Variants in PPP3CA observed in about 807,000 individuals in gnomAD.
PPP3CA encodes the protein CAM-PRP catalytic subunit.
In PPP3CA, 14 loss-of-function variants were observed where a neutral mutation model predicts 66.5. The ratio of observed to expected loss-of-function variants is 0.21; its 90% CI spans 0.14 to 0.33. The LOEUF (loss-of-function observed/expected upper bound fraction) is 0.33, where lower values mean the gene tolerates loss of function less well. PPP3CA is among the 10% of genes least tolerant of loss of function. The pLI is 1.00. For synonymous variants in PPP3CA, 232 were observed against 226.2 expected (o/e 1.03, Z -0.23); for missense variants, 317 against 639.5 (o/e 0.50, Z 5.44).
intron 1 of PPP3CA, among the ~76,000 whole-genome samples, chr4:101,332,303 A>C (rs1215623127): frequency 6.6e-6 from 1 of 152,254 alleles, no homozygotes; most frequent in Non-Finnish European, 1.5e-5. Context: ...TAAGGACATG[A>C]GACTGCCTAG....
chr4:101,345,990 T>C (rs1729972335), intron 1 of PPP3CA, among the ~76,000 whole-genome samples: 1 of 152,122 alleles, frequency 6.6e-6, no homozygotes, highest in Non-Finnish European at 1.5e-5. Flanking sequence ...GTGGTTTTCG[T>C]GTCTCTCCCC....
At chr4:101,031,874 T>C (rs1726980096) in intron 12 of PPP3CA, among the ~76,000 whole-genome samples, 1 of 152,222 alleles carries the variant, frequency 6.6e-6, no homozygotes, top group Non-Finnish European at 1.5e-5. Context: ...TGGTTATGTG[T>C]GTATGTGTTA....
intron 2 of PPP3CA, among the ~76,000 whole-genome samples, chr4:101,151,650 T>TC (rs1723142908): frequency 9.9e-6 from 1 of 101,260 alleles, no homozygotes; most frequent in Non-Finnish European, 2.0e-5. Context: ...AGCCAAGGTT[T>TC]CCTTTTTTTT....
intron 2 of PPP3CA, among the ~76,000 whole-genome samples, chr4:101,155,105 G>A (rs115183036): frequency 1.6e-3 from 248 of 152,066 alleles, no homozygotes; most frequent in Non-Finnish European, 2.6e-3. Flanking sequence ...GTGAGCCAAC[G>A]CGCCCAGCCA....
intron 1 of PPP3CA, among the ~76,000 whole-genome samples, chr4:101,321,766 T>A (rs1422939490): frequency 6.6e-6 from 1 of 151,954 alleles, no homozygotes; most frequent in East Asian, 1.9e-4. Flanking sequence ...CTAAGAGCAA[T>A]AAAATTTTAT....
chr4:101,054,866 G>A (rs996093783), intron 10 of PPP3CA, among the ~76,000 whole-genome samples: 30 of 151,996 alleles, frequency 2.0e-4, no homozygotes, highest in African/African-American at 7.2e-4. Flanking sequence ...TCTACCATGT[G>A]GTTTGCTCTT....
At chr4:101,097,689 A>C (rs1036727098) in intron 5 of PPP3CA, among the ~76,000 whole-genome samples, 1 of 152,138 alleles carries the variant, frequency 6.6e-6, no homozygotes, top group African/African-American at 2.4e-5. Context: ...AAGATTGTCT[A>C]TCTATTGTAC....
At chr4:101,281,357 A>G (rs1727678190) in intron 1 of PPP3CA, among the ~76,000 whole-genome samples, 1 of 152,208 alleles carries the variant, frequency 6.6e-6, no homozygotes, top group Non-Finnish European at 1.5e-5. Context: ...AAACTATGGC[A>G]TCTTCTGCTA....
At chr4:101,204,552 C>T (rs1048796631) in intron 1 of PPP3CA, among the ~76,000 whole-genome samples, 4 of 149,352 alleles carry the variant, frequency 2.7e-5, no homozygotes, top group South Asian at 2.1e-4. Flanking sequence ...AGGAGAATGG[C>T]GCAAACCTGG....
chr4:101,094,855 C>T (rs1730122811), intron 5 of PPP3CA, among the ~76,000 whole-genome samples: 1 of 152,034 alleles, frequency 6.6e-6, no homozygotes, highest in African/African-American at 2.4e-5. Context: ...ATTATAAAGG[C>T]TCTTGAATAA....
At chr4:101,280,042 A>G (rs1480387541) in intron 1 of PPP3CA, among the ~76,000 whole-genome samples, 1 of 152,218 alleles carries the variant, frequency 6.6e-6, no homozygotes, top group African/African-American at 2.4e-5. Flanking sequence ...CCCTCAATGT[A>G]TATTAATTGA....
chr4:101,099,287 T>C (rs1410873572), intron 4 of PPP3CA, among the ~76,000 whole-genome samples: 5 of 152,122 alleles, frequency 3.3e-5, no homozygotes, highest in African/African-American at 1.2e-4. Context: ...TGCCCTCCAT[T>C]TGCGTTTTTT....
At chr4:101,181,623 ATACTTT>A (rs1311147049) in intron 2 of PPP3CA, among the ~76,000 whole-genome samples, 9 of 152,272 alleles carry the variant, frequency 5.9e-5, no homozygotes, top group African/African-American at 2.2e-4. Flanking sequence ...AAAGCCCACT[ATACTTT>A]GCAGCCAGAC....
At chr4:101,083,658 ATGTGTGCATG>A (rs1729537179) in intron 6 of PPP3CA, among the ~76,000 whole-genome samples, 1 of 152,330 alleles carries the variant, frequency 6.6e-6, no homozygotes, top group African/African-American at 2.4e-5. Flanking sequence ...ATTTGTGCAT[ATGTGTGCATG>A]TATGTGTATA....
chr4:101,063,698 A>C (rs1728566762), intron 8 of PPP3CA, among the ~76,000 whole-genome samples: 1 of 151,982 alleles, frequency 6.6e-6, no homozygotes, highest in Non-Finnish European at 1.5e-5. Flanking sequence ...GACACTAATA[A>C]AAGTGGCACA....
At chr4:101,221,945 C>A (rs1725638290) in intron 1 of PPP3CA, among the ~76,000 whole-genome samples, 1 of 151,560 alleles carries the variant, frequency 6.6e-6, no homozygotes, top group Non-Finnish European at 1.5e-5. Flanking sequence ...TACCCAAACA[C>A]ACTTAAAAAT....
Position 101,068,391 on chromosome 4 carries a change from T to C in PPP3CA, c.956-5034A>G, listed in dbSNP as rs117426899. On this transcript the variant is annotated intron_variant, in intron 8 of 13. Coordinates refer to ENST00000394854, the MANE Select transcript of PPP3CA (RefSeq NM_000944.5). ...AAAGGAGGCATAATGCCTTGGTGGA[T>C]AGAATTCCTGAAGCAGGACCCATGC... Among the ~76,000 whole-genome samples the C allele has an allele frequency of 2.2e-4, 33 of 152,296 alleles. No homozygotes were observed. The East Asian group carries it at 5.8e-3, about 27-fold the overall frequency.
chr4:101,094,002 C>T, intron 5 of PPP3CA, 87 bp from the exon 6 acceptor site: 2 of 1,254,986 alleles, frequency 1.6e-6, no homozygotes, highest in Middle Eastern at 2.8e-4. Flanking sequence ...CTGTGCAGAA[C>T]CCATCCTCTT....
chr4:101,279,502 AAG>A (rs1232142159), intron 1 of PPP3CA, among the ~76,000 whole-genome samples: 1 of 152,170 alleles, frequency 6.6e-6, no homozygotes, highest in African/African-American at 2.4e-5. Context: ...TCCGTTAGTA[AAG>A]AGTGGGAAAA....
Sources: allele counts gnomAD v4.1 joint callset (sites outside exome capture counted in the v4.1 genomes callset), GRCh38; gene constraint gnomAD v4.1.1; transcripts MANE v1.5; gene names NCBI Gene and HGNC (gene_info 2026-07-23, HGNC 2026-07-21).